RB1: variants seen among roughly 807,000 people sequenced by gnomAD.
RB1 encodes RB transcriptional corepressor 1, also known as retinoblastoma-associated protein.
In RB1, 18 loss-of-function variants were observed where a neutral mutation model predicts 135.4. The ratio of observed to expected loss-of-function variants is 0.13; its 90% CI spans 0.09 to 0.20. RB1 has a LOEUF of 0.20. Ranked by LOEUF, RB1 falls within the 10% of genes least tolerant of loss-of-function variation. The probability of loss-of-function intolerance (pLI) is 1.00; values close to 1 mark genes in which losing one functional copy is unlikely to be tolerated. For missense variants in RB1, 868 were observed against 1,110.0 expected, an observed-to-expected ratio of 0.78 and a Z score of 3.10; for synonymous variants, 365 against 373.2, an observed-to-expected ratio of 0.98 and a Z score of 0.25.
rs190781305 is a variant in RB1, at chr13:48,353,141, C to G, written c.607+4118C>G. 2.0e-5 allele frequency among the ~76,000 whole-genome samples: 3 copies of G among 151,392 alleles called. No individual in the cohort carries two copies. In the East Asian group the frequency reaches 5.8e-4, roughly 29 times the overall value. ...AAATGAAATTGCAATGAAAAAATTGCAAAAGATCAATGAAACAAAGTGTTT... is the reference window on the plus strand; with the variant it reads ...AAATGAAATTGCAATGAAAAAATTGGAAAAGATCAATGAAACAAAGTGTTT... On this transcript the variant is annotated intron_variant, in intron 6 of 26. Transcript: ENST00000267163.
At chr13:48,335,656 CT>C (rs1409514174) in intron 2 of RB1, among the ~76,000 whole-genome samples, 26 of 147,624 alleles carry the variant, frequency 1.8e-4, no homozygotes, top group Admixed American at 1.7e-3. Flanking sequence ...ATTTTTTGTT[CT>C]TTTTTTGGTG....
rs1949484299 is a variant in RB1 at position 48,473,381 on chromosome 13, A to G, written c.2511A>G (p.Glu837=). The G allele has an allele frequency of 6.4e-7, 1 of 1,568,718 alleles. No individual in the cohort carries two copies. Among genetic ancestry groups the G allele is most frequent in the South Asian group, 1.1e-5 (1 of 90,168 alleles). ...ACAGAATCTTAGTATCAATTGGTGA[A>G]TCATTCGGGGTGAGTATTTTCTTTC... ...PRSRILVSIG[E]SFGTSEKFQK... is the part of the protein sequence containing the mutation. The change falls in exon 24 of 27, where the codon GAA becomes GAG. Residue 837 remains glutamate, a synonymous_variant. Coordinates refer to ENST00000267163, the MANE Select transcript of RB1 (RefSeq NM_000321.3).
chr13:48,368,481 A>G (rs1952725900), intron 10 of RB1, 46 bp from the exon 11 acceptor site: 5 of 1,610,134 alleles, frequency 3.1e-6, no homozygotes, highest in Non-Finnish European at 4.2e-6. Flanking sequence ...TAAAGCACAA[A>G]TTGTAAATTT....
chr13:48,417,519 C>G (rs1197750589), intron 17 of RB1, among the ~76,000 whole-genome samples: 1 of 152,174 alleles, frequency 6.6e-6, no homozygotes, highest in Non-Finnish European at 1.5e-5. Flanking sequence ...AATGCCTTTT[C>G]TCTTCCAAAG....
chr13:48,464,909 G>T (rs1015430466), intron 21 of RB1, 89 bp from the exon 22 acceptor site: 18 of 1,375,026 alleles, frequency 1.3e-5, no homozygotes, highest in South Asian at 1.5e-5. Flanking sequence ...TATTAGAAAA[G>T]AAAATCTAAA....
At chr13:48,352,553 T>C (rs1452386893) in intron 6 of RB1, among the ~76,000 whole-genome samples, 7 of 152,150 alleles carry the variant, frequency 4.6e-5, no homozygotes, top group Non-Finnish European at 1.0e-4. Context: ...TTTGAAATTC[T>C]TGTTGTAGAG....
intron 2 of RB1, among the ~76,000 whole-genome samples, chr13:48,321,963 C>A (rs76827301): frequency 6.6e-6 from 1 of 152,068 alleles, no homozygotes; most frequent in African/African-American, 2.4e-5. Flanking sequence ...ATTCTGGATC[C>A]TTTGTTGGAT....
At chr13:48,449,870 A>G (rs1949315309) in intron 17 of RB1, among the ~76,000 whole-genome samples, 1 of 152,092 alleles carries the variant, frequency 6.6e-6, no homozygotes, top group African/African-American at 2.4e-5. Flanking sequence ...TGCAGATTCC[A>G]TTTAATTTAG....
rs371663196 is a variant in RB1, at chr13:48,480,114, C to T, written c.*43C>T. On this transcript the variant is annotated 3_prime_UTR_variant, in exon 27 of 27. Transcript: ENST00000267163. Reference sequence around the variant, plus strand: ...TGGACACTGTGTACACCTCTGGATTCATTGTCTCTCACAGATGTGACTGTA... The same window carrying T: ...TGGACACTGTGTACACCTCTGGATTTATTGTCTCTCACAGATGTGACTGTA... The T allele has an allele frequency of 1.1e-5, 17 of 1,486,422 alleles. No homozygotes were observed. The African/African-American group carries it at 1.8e-4, about 16-fold the overall frequency. The allele number at this position is 1,486,422 out of a possible 1,614,324, so 92.1% of individuals were successfully genotyped here. A position where few individuals can be genotyped will look rare whatever the true frequency, so the allele number is the denominator to read the frequency against.
At chr13:48,472,768 T>C (rs1725668805) in intron 23 of RB1, among the ~76,000 whole-genome samples, 1 of 152,098 alleles carries the variant, frequency 6.6e-6, no homozygotes, top group Admixed American at 6.5e-5. Context: ...GGCAAAAAAA[T>C]CTCTATATTC....
At chr13:48,477,452 A>G (rs1216119072) in intron 26 of RB1, 48 bp downstream of exon 26, 1 of 1,431,424 alleles carries the variant, frequency 7.0e-7, no homozygotes, top group Non-Finnish European at 9.8e-7. Context: ...AATTGTTTAC[A>G]CTGCAAGAAG....
In RB1 at chr13:48,381,416, A is replaced by T. The variant is rs2138145696; in HGVS notation, c.1668A>T (p.Arg556=). ...MIKHLERCEH[R]IMESLAWLSD... is the part of the protein sequence containing the mutation. ...AACATTTAGAACGATGTGAACATCG[A>T]ATCATGGAATCCCTTGCATGGCTCT... Residue 556 remains arginine (R), a synonymous_variant, in exon 17 of 27, where the codon CGA becomes CGT. Coordinates refer to ENST00000267163, the MANE Select transcript of RB1 (RefSeq NM_000321.3). The T allele has an allele frequency of 6.2e-7, 1 of 1,613,742 alleles. No individual in the cohort carries two copies. Among genetic ancestry groups the T allele is most frequent in the Non-Finnish European group, 8.5e-7 (1 of 1,179,824 alleles).
In RB1 at chr13:48,480,252, G is replaced by A. The variant is rs1949530319; in HGVS notation, c.*181G>A. The A allele has an allele frequency of 1.6e-6, 1 of 611,124 alleles. No individual in the cohort carries two copies. The highest frequency in any genetic ancestry group is 2.8e-5 in the East Asian group (1 of 35,890). 37.9% of individuals were successfully genotyped at this position (611,124 alleles called of 1,614,324 possible). ...GATTCCTAAGCCACTTGAAATGTTA[G>A]TCATTGTTATTTATACAAGATTGAA... On this transcript the variant is annotated 3_prime_UTR_variant, in exon 27 of 27. Transcript: ENST00000267163.
intron 20 of RB1, among the ~76,000 whole-genome samples, chr13:48,461,572 C>A (rs2138339808): frequency 6.6e-6 from 1 of 152,240 alleles, no homozygotes; most frequent in South Asian, 2.1e-4. Flanking sequence ...ATGCCCAGAT[C>A]ATTTTCCAAA....
chr13:48,318,475 C>A (rs1952205158), intron 2 of RB1: 3 of 1,292,338 alleles, frequency 2.3e-6, no homozygotes, highest in Non-Finnish European at 3.3e-6. Context: ...AGGTGCCTCA[C>A]CTCGTCTGTC....
intron 2 of RB1, among the ~76,000 whole-genome samples, chr13:48,337,445 G>A (rs1952395600): frequency 6.6e-6 from 1 of 152,088 alleles, no homozygotes; most frequent in South Asian, 2.1e-4. Flanking sequence ...GGCCTTCTTT[G>A]TCTCTTTTGA....
intron 2 of RB1, among the ~76,000 whole-genome samples, chr13:48,326,942 G>A (rs1952292691): frequency 6.6e-6 from 1 of 152,032 alleles, no homozygotes. Context: ...TATGTGTGGT[G>A]AGATTCCAAA....
In RB1 at chr13:48,342,769, A is replaced by T. The variant is rs1221686399; in HGVS notation, c.380+55A>T. 3 of 1,236,772 alleles carry T rather than the reference A, an allele frequency of 2.4e-6. No individual in the cohort carries two copies. The East Asian group carries it at 7.0e-5, about 29-fold the overall frequency. The allele number at this position is 1,236,772 out of a possible 1,614,324, so 76.6% of individuals were successfully genotyped here. On this transcript the variant is annotated intron_variant, in intron 3 of 26. Transcript: ENST00000267163. ...TGCCATAAAAGGAAACGAATTCTGGATTTTCCTCTCAATAGACTTTTGTGA... is the reference window on the plus strand; with the variant it reads ...TGCCATAAAAGGAAACGAATTCTGGTTTTTCCTCTCAATAGACTTTTGTGA...
chr13:48,463,337 T>C, intron 20 of RB1, among the ~76,000 whole-genome samples: 1 of 152,166 alleles, frequency 6.6e-6, no homozygotes, highest in East Asian at 1.9e-4. Context: ...ATAGCCTCCT[T>C]ACCACCACCA....
Sources: gnomAD v4.1 joint callset for allele counts (sites outside exome capture counted in the v4.1 genomes callset) on GRCh38, gnomAD v4.1.1 for gene constraint, MANE v1.5 for transcripts, NCBI Gene and HGNC (gene_info 2026-07-23, HGNC 2026-07-21) for gene names.